Variants in CEP15 observed in about 807,000 individuals in gnomAD.
CEP15 encodes the protein centrosomal protein 15 kDa.
At chr3:62,328,901 T>G in the CEP15 span, among the ~76,000 whole-genome samples, 1 of 150,832 alleles carries the variant, frequency 6.6e-6, no homozygotes, top group Non-Finnish European at 1.5e-5. Flanking sequence ...TTGCGAAGTT[T>G]TTTTTTTTTT....
the CEP15 span, chr3:62,333,614 G>A: frequency 2.6e-5 from 9 of 346,616 alleles, no homozygotes; most frequent in East Asian, 1.7e-4. The surrounding 1 kb of genome is among the most constrained non-coding windows in gnomAD (Gnocchi z 4.0). Context: ...TGTTAAACAC[G>A]AATATTAAAA....
At chr3:62,321,074 T>C in the CEP15 span, among the ~76,000 whole-genome samples, 1 of 152,196 alleles carries the variant, frequency 6.6e-6, no homozygotes, top group Admixed American at 6.5e-5. The surrounding 1 kb of genome is among the most constrained non-coding windows in gnomAD (Gnocchi z 4.1). Context: ...TGACTGTTCA[T>C]AGACCTGAGA....
At chr3:62,321,018 A>G in the CEP15 span, among the ~76,000 whole-genome samples, 1 of 152,076 alleles carries the variant, frequency 6.6e-6, no homozygotes, top group African/African-American at 2.4e-5. This position sits in a 1 kb window ranked among gnomAD's most constrained non-coding sequence, Gnocchi z 4.1. Flanking sequence ...ATTAATTACC[A>G]GACGTTCTTT....
chr3:62,323,629 A>T, the CEP15 span, among the ~76,000 whole-genome samples: 2 of 152,232 alleles, frequency 1.3e-5, no homozygotes, highest in Admixed American at 6.5e-5. Context: ...TTTGCTATTT[A>T]GATGCAAGAT....
chr3:62,325,303 A>G, the CEP15 span, among the ~76,000 whole-genome samples: 1 of 152,214 alleles, frequency 6.6e-6, no homozygotes, highest in East Asian at 1.9e-4. Context: ...AGCTATCACA[A>G]AATTATTTTT....
chr3:62,326,305 T>G, the CEP15 span, among the ~76,000 whole-genome samples: 6 of 152,316 alleles, frequency 3.9e-5, no homozygotes, highest in African/African-American at 1.2e-4. Context: ...AAGAATATGT[T>G]TAATAAATGC....
chr3:62,328,898 G>GT, the CEP15 span, among the ~76,000 whole-genome samples: 3,842 of 131,640 alleles, frequency 0.029, 49 homozygotes, highest in Middle Eastern at 0.056. Context: ...AAATTGCGAA[G>GT]TTTTTTTTTT....
chr3:62,329,649 A>G, the CEP15 span, among the ~76,000 whole-genome samples: 11 of 152,182 alleles, frequency 7.2e-5, no homozygotes, highest in Non-Finnish European at 1.6e-4. Flanking sequence ...GGCCTGCTTT[A>G]CCAGGCCACA....
At chr3:62,334,703 A>AGAC in the CEP15 span, 1 of 152,208 alleles carries the variant, frequency 6.6e-6, no homozygotes, top group Non-Finnish European at 1.5e-5. This position sits in a 1 kb window ranked among gnomAD's most constrained non-coding sequence, Gnocchi z 4.9. Flanking sequence ...TGAAAAAAGA[A>AGAC]GACAGAGGAA....
the CEP15 span, among the ~76,000 whole-genome samples, chr3:62,320,689 G>A: frequency 1.3e-5 from 2 of 152,146 alleles, no homozygotes; most frequent in African/African-American, 2.4e-5. Flanking sequence ...TTATGAATAA[G>A]CAAGATTAAA....
the CEP15 span, chr3:62,322,401 C>T: frequency 5.1e-6 from 1 of 196,652 alleles, no homozygotes; most frequent in African/African-American, 2.4e-5. The surrounding 1 kb of genome is among the most constrained non-coding windows in gnomAD (Gnocchi z 5.5). Flanking sequence ...CCTGAAAGGC[C>T]ATAAAGTACC....
chr3:62,333,109 G>C, the CEP15 span: 15 of 651,846 alleles, frequency 2.3e-5, no homozygotes, highest in South Asian at 2.9e-4. This position sits in a 1 kb window ranked among gnomAD's most constrained non-coding sequence, Gnocchi z 4.0. Context: ...ATATTCTGTA[G>C]AGGAAATGCA....
the CEP15 span, chr3:62,319,539 G>T: frequency 2.0e-5 from 3 of 152,200 alleles, no homozygotes; most frequent in Non-Finnish European, 4.4e-5. Flanking sequence ...CGGTGTTTCC[G>T]TTTTCCTTGG....
At chr3:62,325,974 A>T in the CEP15 span, among the ~76,000 whole-genome samples, 1 of 149,436 alleles carries the variant, frequency 6.7e-6, no homozygotes, top group Admixed American at 6.7e-5. Context: ...GCAGTGAGCG[A>T]GATTGTGCCA....
At chr3:62,333,215 T>C in the CEP15 span, 5 of 1,599,236 alleles carry the variant, frequency 3.1e-6, no homozygotes, top group Non-Finnish European at 4.3e-6. This position sits in a 1 kb window ranked among gnomAD's most constrained non-coding sequence, Gnocchi z 4.0. Context: ...CAAGTTCAAT[T>C]GCTTGATATG....
chr3:62,321,278 A>G, the CEP15 span, among the ~76,000 whole-genome samples: 3 of 152,228 alleles, frequency 2.0e-5, no homozygotes, highest in Non-Finnish European at 2.9e-5. The surrounding 1 kb of genome is among the most constrained non-coding windows in gnomAD (Gnocchi z 4.1). Flanking sequence ...AGTATATTAT[A>G]TGTAACGAAG....
At chr3:62,322,971 A>C in the CEP15 span, among the ~76,000 whole-genome samples, 1 of 152,214 alleles carries the variant, frequency 6.6e-6, no homozygotes, top group South Asian at 2.1e-4. This position sits in a 1 kb window ranked among gnomAD's most constrained non-coding sequence, Gnocchi z 5.5. Context: ...TACTTGCCCA[A>C]TGGTGTTAGC....
chr3:62,332,740 C>G, the CEP15 span, among the ~76,000 whole-genome samples: 1 of 151,906 alleles, frequency 6.6e-6, no homozygotes, highest in South Asian at 2.1e-4. Flanking sequence ...AATTAAGGGT[C>G]CAATATCTCT....
At chr3:62,319,882 A>G in the CEP15 span, 8 of 152,302 alleles carry the variant, frequency 5.3e-5, no homozygotes, top group Admixed American at 4.6e-4. Flanking sequence ...GCTTTCCTGC[A>G]CTCCACAAAT....
Sources: gnomAD v4.1 joint callset for allele counts (sites outside exome capture counted in the v4.1 genomes callset) on GRCh38, gnomAD v4.1.1 for gene constraint, Gnocchi (gnomAD v3.1) non-coding constraint, MANE v1.5 for transcripts, NCBI Gene and HGNC (gene_info 2026-07-23, HGNC 2026-07-21) for gene names.